Variants in CBFA2T3 observed in about 807,000 individuals in gnomAD.
CBFA2T3 encodes the protein transcriptional corepressor CBFA2T3.
CBFA2T3 carries 31 observed loss-of-function variants against 58.6 expected under a neutral mutation model. The observed-to-expected ratio is 0.53, with a 90% confidence interval of 0.40 to 0.71. The LOEUF (loss-of-function observed/expected upper bound fraction) is 0.71. CBFA2T3 is among the 30% of genes least tolerant of loss of function. The pLI, the probability that CBFA2T3 is intolerant of heterozygous loss-of-function variation, is 0.00. For missense variants in CBFA2T3, 1,076 were observed against 963.1 expected (o/e 1.12, Z -1.55); for synonymous variants, 531 against 421.9 (o/e 1.26, Z -3.17).
At chr16:88,947,522 T>A (rs1330435542) in intron 1 of CBFA2T3, among the ~76,000 whole-genome samples, 3 of 152,234 alleles carry the variant, frequency 2.0e-5, no homozygotes, top group Non-Finnish European at 4.4e-5. Flanking sequence ...TTTCCTATGT[T>A]AAAATTTATT....
chr16:88,901,643 C>T lies in CBFA2T3; in HGVS notation c.165G>A (p.Arg55=). 3.3e-6 allele frequency: 5 copies of T among 1,531,900 alleles called. No individual in the cohort carries two copies. Among genetic ancestry groups the T allele is most frequent in the Non-Finnish European group, 4.3e-6 (5 of 1,150,682 alleles). The allele number at this position is 1,531,900 out of a possible 1,614,324, so 94.9% of individuals were successfully genotyped here. Residue 55 remains arginine, a synonymous_variant, in exon 2 of 12, where the codon AGG becomes AGA. Transcript: ENST00000268679. ...PRKGGPAPVD[R]KAKASAMPDS... is the part of the protein sequence containing the mutation. ...CCGGCATCGCTGAGGCCTTAGCTTT[C>T]CTGTCCACTGGGGCTGCGACCAACG...
intron 1 of CBFA2T3, among the ~76,000 whole-genome samples, chr16:88,931,043 G>T (rs936825587): frequency 2.0e-5 from 3 of 152,038 alleles, no homozygotes; most frequent in African/African-American, 7.3e-5. Context: ...AAAAAACAGC[G>T]GGGAGACTGA....
intron 1 of CBFA2T3, among the ~76,000 whole-genome samples, chr16:88,952,142 C>G (rs901031767): frequency 2.0e-5 from 3 of 152,126 alleles, no homozygotes; most frequent in Non-Finnish European, 4.4e-5. Flanking sequence ...AGGCTCGCTA[C>G]TATGCAGAGA....
intron 1 of CBFA2T3, among the ~76,000 whole-genome samples, chr16:88,913,925 T>A (rs1218436287): frequency 6.6e-6 from 1 of 152,120 alleles, no homozygotes; most frequent in East Asian, 1.9e-4. Flanking sequence ...GCCGGCTCAC[T>A]CCTGGGCACA....
intron 1 of CBFA2T3, among the ~76,000 whole-genome samples, chr16:88,931,217 C>A (rs1971288899): frequency 6.6e-6 from 1 of 152,110 alleles, no homozygotes; most frequent in Non-Finnish European, 1.5e-5. Context: ...CTCCTGTCAA[C>A]TGGGGCCAAC....
chr16:88,882,565 C>T, intron 8 of CBFA2T3, 111 bp downstream of exon 8: 2 of 378,132 alleles, frequency 5.3e-6, no homozygotes, highest in South Asian at 2.8e-5. Flanking sequence ...TGTGTGTGGG[C>T]ATGGCTGTGG....
intron 1 of CBFA2T3, among the ~76,000 whole-genome samples, chr16:88,949,670 C>T (rs1405957803): frequency 1.3e-5 from 2 of 151,968 alleles, no homozygotes; most frequent in Non-Finnish European, 1.5e-5. Flanking sequence ...TACAAGCACT[C>T]AAAATAACGC....
At chr16:88,966,253 G>T (rs568451020) in intron 1 of CBFA2T3, among the ~76,000 whole-genome samples, 6 of 152,350 alleles carry the variant, frequency 3.9e-5, no homozygotes, top group African/African-American at 1.4e-4. Flanking sequence ...ACATTAGGCC[G>T]TCTCTAGGGA....
intron 1 of CBFA2T3, among the ~76,000 whole-genome samples, chr16:88,906,174 C>G (rs1309777011): frequency 2.0e-5 from 3 of 152,172 alleles, no homozygotes; most frequent in African/African-American, 7.2e-5. Flanking sequence ...CACCGGCCCA[C>G]AGCTCCACCA....
At chr16:88,903,110 G>C (rs1164398570) in intron 1 of CBFA2T3, among the ~76,000 whole-genome samples, 3 of 152,190 alleles carry the variant, frequency 2.0e-5, no homozygotes, top group Non-Finnish European at 2.9e-5. Flanking sequence ...CCCCATTCCC[G>C]GGGCCCCAGC....
chr16:88,962,028 G>T (rs1333055653), intron 1 of CBFA2T3, among the ~76,000 whole-genome samples: 2 of 150,244 alleles, frequency 1.3e-5, no homozygotes, highest in African/African-American at 2.4e-5. Flanking sequence ...ACTCAGCACT[G>T]GGCATTCCCA....
intron 1 of CBFA2T3, among the ~76,000 whole-genome samples, chr16:88,969,083 G>A (rs1567640608): frequency 6.6e-6 from 1 of 152,220 alleles, no homozygotes; most frequent in Admixed American, 6.5e-5. Flanking sequence ...CCTCTCGTGA[G>A]CAGTCGGCTG....
At chr16:88,949,324 C>T (rs1184302378) in intron 1 of CBFA2T3, among the ~76,000 whole-genome samples, 3 of 152,034 alleles carry the variant, frequency 2.0e-5, no homozygotes, top group East Asian at 1.9e-4. Flanking sequence ...TTCGGGAGGC[C>T]GAGGAGGGCA....
intron 5 of CBFA2T3, chr16:88,886,756 G>A (rs1969393197): frequency 3.9e-5 from 6 of 152,450 alleles, no homozygotes; most frequent in Admixed American, 3.9e-4. Context: ...GTGGACCTAG[G>A]ACGTGGACAC....
chr16:88,903,684 G>T (rs1452419213), intron 1 of CBFA2T3, among the ~76,000 whole-genome samples: 1 of 106,820 alleles, frequency 9.4e-6, no homozygotes, highest in Non-Finnish European at 1.9e-5. Flanking sequence ...TCCTGGGGGG[G>T]CATTCCTGGG....
At position 88,885,500 on chromosome 16, in the gene CBFA2T3, C is replaced by T. The variant is rs1433272325; in HGVS notation, c.894-231G>A. On this transcript the variant is annotated intron_variant, in intron 6 of 11. Transcript: ENST00000268679. This position sits in a 1 kb window ranked among gnomAD's most constrained non-coding sequence, Gnocchi z 5.3. ...CTCAACCCCTGCTCCAGCTGCATGG[C>T]ATCCTGGGGCCTGGTGGTCAAAGAG... 6.6e-6 allele frequency among the ~76,000 whole-genome samples: 1 copy of T among 152,156 alleles called. No homozygotes were observed. The highest frequency in any genetic ancestry group is 2.4e-5 in the African/African-American group (1 of 41,422).
intron 1 of CBFA2T3, among the ~76,000 whole-genome samples, chr16:88,925,188 C>T (rs1290745949): frequency 6.6e-6 from 1 of 152,230 alleles, no homozygotes; most frequent in African/African-American, 2.4e-5. Context: ...TCCAGCCCTG[C>T]CCGGATTGGT....
intron 1 of CBFA2T3, among the ~76,000 whole-genome samples, chr16:88,912,414 C>G (rs1024967826): frequency 6.6e-6 from 1 of 152,210 alleles, no homozygotes. Context: ...TTCTGTCCCT[C>G]CCGTTGGCCT....
intron 1 of CBFA2T3, among the ~76,000 whole-genome samples, chr16:88,952,217 G>A (rs527445655): frequency 1.2e-4 from 19 of 152,332 alleles, no homozygotes; most frequent in South Asian, 8.3e-4. Context: ...TCTCCAAACC[G>A]CATGCATCCC....
Sources: gnomAD v4.1 joint callset for allele counts (sites outside exome capture counted in the v4.1 genomes callset) on GRCh38, gnomAD v4.1.1 for gene constraint, Gnocchi (gnomAD v3.1) non-coding constraint, MANE v1.5 for transcripts, NCBI Gene and HGNC (gene_info 2026-07-23, HGNC 2026-07-21) for gene names.